The following ST7L variants were observed in gnomAD, a reference collection of about 807,000 sequenced individuals.
The protein encoded by ST7L is suppression of tumorigenicity 7 like, also known as suppressor of tumorigenicity 7 protein-like.
In ST7L, 57 loss-of-function variants were observed where a neutral mutation model predicts 72.5. That is an observed-to-expected ratio of 0.79 (90% confidence interval 0.64 to 0.98). The LOEUF (loss-of-function observed/expected upper bound fraction) is 0.98. Ranked by LOEUF, ST7L falls within the 50% of genes least tolerant of loss-of-function variation. ST7L has a pLI of 0.00. For missense variants in ST7L, 576 were observed against 672.2 expected, an observed-to-expected ratio of 0.86 and a Z score of 1.58; for synonymous variants, 221 against 240.9, an observed-to-expected ratio of 0.92 and a Z score of 0.77.
chr1:112,619,238 G>A (rs1294888582), upstream of ST7L: 2 of 876,228 alleles, frequency 2.3e-6, no homozygotes, highest in East Asian at 2.7e-5. Flanking sequence ...GGGGAACCGG[G>A]ACCGAGAAGA....
In ST7L at chr1:112,619,087, T is replaced by C. The variant is rs1324445058; in HGVS notation, c.27A>G (p.Glu9=). 4 of 1,613,176 alleles carry C rather than the reference T, an allele frequency of 2.5e-6. No individual in the cohort carries two copies. The highest frequency in any genetic ancestry group is 3.4e-6 in the Non-Finnish European group (4 of 1,179,910). The change falls in exon 1 of 15, where the codon GAA becomes GAG. Residue 9 remains glutamate, a synonymous_variant. Coordinates refer to ENST00000358039, the MANE Select transcript of ST7L (RefSeq NM_017744.5). ...CAGGAGACGCTCCAACAGCTGCGGC[T>C]TCACCCACGCCGCCACGGTCCGCCA... MADRGGVG[E]AAAVGASPAS...
intron 9 of ST7L, among the ~76,000 whole-genome samples, chr1:112,581,791 C>A (rs1664161597): frequency 6.6e-6 from 1 of 152,142 alleles, no homozygotes; most frequent in Non-Finnish European, 1.5e-5. Context: ...ACAAGTAAAT[C>A]TTGACAGAAG....
Position 112,618,068 on chromosome 1 carries a change from T to C in ST7L, c.205+841A>G, listed in dbSNP as rs965440307. On this transcript the variant is annotated intron_variant, in intron 1 of 14. Coordinates refer to ENST00000358039, the MANE Select transcript of ST7L (RefSeq NM_017744.5). ...TTTGCTGCCTTTTGCTTCAGAAAAA[T>C]CAACCACCATACTGAATCATGTAAT... 1.3e-5 allele frequency: 17 copies of C among 1,303,906 alleles called. No individual in the cohort carries two copies. In the Admixed American group the frequency reaches 3.9e-4, roughly 30 times the overall value. 80.8% of individuals were successfully genotyped at this position (1,303,906 alleles called of 1,614,324 possible).
downstream of ST7L, chr1:112,520,384 C>A: frequency 6.2e-7 from 1 of 1,614,080 alleles, no homozygotes; most frequent in Non-Finnish European, 8.5e-7. Context: ...TCGAGTCACC[C>A]GTGTTACCCA....
At chr1:112,541,791 TTA>T in intron 14 of ST7L, 158 bp downstream of exon 14, 1 of 1,333,886 alleles carries the variant, frequency 7.5e-7, no homozygotes, top group Non-Finnish European at 9.6e-7. Context: ...CACCAAAAAT[TTA>T]TGTTTGATGT....
rs551959514 is a variant in ST7L at position 112,552,872 on chromosome 1, G to A, written c.1397-2179C>T. On this transcript the variant is annotated intron_variant, in intron 12 of 14. Coordinates refer to ENST00000358039, the MANE Select transcript of ST7L (RefSeq NM_017744.5). ...AATCTCAGCTCCTTTGGGAGGCCAAGGTGGAAGGATTGCCTGAGGCCAGGA... is the reference window on the plus strand; with the variant it reads ...AATCTCAGCTCCTTTGGGAGGCCAAAGTGGAAGGATTGCCTGAGGCCAGGA... 1.6e-3 allele frequency among the ~76,000 whole-genome samples: 241 copies of A among 152,126 alleles called. 3 individuals are homozygous for A. Among genetic ancestry groups the A allele is most frequent in the South Asian group, 5.6e-3 (27 of 4,812 alleles).
intron 6 of ST7L, among the ~76,000 whole-genome samples, chr1:112,587,864 T>A (rs1665095880): frequency 6.7e-6 from 1 of 149,232 alleles, no homozygotes; most frequent in African/African-American, 2.4e-5. Context: ...ATAATTAAAA[T>A]TTTTATAGGG....
intron 14 of ST7L, chr1:112,528,082 T>C (rs567829741): frequency 5.3e-5 from 8 of 152,242 alleles, no homozygotes; most frequent in African/African-American, 1.7e-4. Context: ...AGCAGAAGTC[T>C]GAGAATAAAG....
intron 11 of ST7L, among the ~76,000 whole-genome samples, chr1:112,558,241 G>T (rs1279268766): frequency 6.6e-6 from 1 of 152,044 alleles, no homozygotes; most frequent in Non-Finnish European, 1.5e-5. Context: ...CATTCCAGAG[G>T]TGTCTCAAAA....
intron 5 of ST7L, among the ~76,000 whole-genome samples, chr1:112,596,063 A>T (rs1400612160): frequency 1.3e-5 from 2 of 152,234 alleles, no homozygotes; most frequent in Non-Finnish European, 2.9e-5. Flanking sequence ...CCTAACTTCC[A>T]GAGTCACTCA....
chr1:112,599,127 TACAC>T (rs71084480), intron 4 of ST7L, among the ~76,000 whole-genome samples: 25,292 of 103,116 alleles, frequency 0.25, 3,415 homozygotes, highest in East Asian at 0.3. Flanking sequence ...TGTGTGTGTA[TACAC>T]ACACACACAC....
intron 14 of ST7L, chr1:112,539,630 T>C (rs1655767740): frequency 1.1e-6 from 1 of 889,534 alleles, no homozygotes; most frequent in African/African-American, 2.0e-5. Context: ...CACTCTAGTC[T>C]GGGTGACAGA....
chr1:112,585,735 A>C (rs1181731023), intron 6 of ST7L, among the ~76,000 whole-genome samples: 2 of 151,834 alleles, frequency 1.3e-5, no homozygotes, highest in African/African-American at 4.8e-5. Flanking sequence ...TCCGTCTCAA[A>C]AAAAAAAAAA....
intron 3 of ST7L, among the ~76,000 whole-genome samples, chr1:112,601,257 T>C (rs1208803699): frequency 6.6e-6 from 1 of 152,162 alleles, no homozygotes; most frequent in Non-Finnish European, 1.5e-5. Flanking sequence ...TTTGTTCTTT[T>C]TGTTTTGAGA....
chr1:112,567,203 G>C (rs1661201292), intron 11 of ST7L, among the ~76,000 whole-genome samples: 1 of 152,106 alleles, frequency 6.6e-6, no homozygotes, highest in African/African-American at 2.4e-5. Context: ...AACTAATGAT[G>C]TTGAACATCT....
chr1:112,586,425 G>C (rs1310477675), intron 6 of ST7L, among the ~76,000 whole-genome samples: 1 of 152,102 alleles, frequency 6.6e-6, no homozygotes, highest in Non-Finnish European at 1.5e-5. Context: ...CTGGGCAACA[G>C]AGCAAGACCC....
chr1:112,528,546 C>T (rs1162259867), intron 14 of ST7L: 1 of 152,194 alleles, frequency 6.6e-6, no homozygotes, highest in Non-Finnish European at 1.5e-5. Flanking sequence ...ATATCATTAA[C>T]TACAGCTCCT....
intron 11 of ST7L, among the ~76,000 whole-genome samples, chr1:112,563,364 T>A (rs563175955): frequency 2.2e-4 from 33 of 152,094 alleles, no homozygotes; most frequent in Non-Finnish European, 3.8e-4. Context: ...TTGAGACACA[T>A]TAAAGTGTTT....
intron 14 of ST7L, chr1:112,527,372 C>T (rs1199285398): frequency 6.5e-6 from 1 of 152,772 alleles, no homozygotes; most frequent in Admixed American, 6.5e-5. Flanking sequence ...TCTTGGCTCT[C>T]ACTGTTCTCC....
Sources: allele counts gnomAD v4.1 joint callset (sites outside exome capture counted in the v4.1 genomes callset), GRCh38; gene constraint gnomAD v4.1.1; transcripts MANE v1.5; gene names NCBI Gene and HGNC (gene_info 2026-07-23, HGNC 2026-07-21).